The following EMSY variants were observed in gnomAD, a reference collection of about 807,000 sequenced individuals.
EMSY encodes EMSY transcriptional repressor, BRCA2 interacting.
A neutral mutation model predicts 134.6 loss-of-function variants in EMSY; 26 were observed. The observed-to-expected ratio is 0.19, with a 90% CI of 0.14 to 0.27. EMSY has a LOEUF of 0.27. Among genes scored for constraint, EMSY ranks in the 10% least tolerant of loss-of-function variants. The probability of loss-of-function intolerance (pLI) is 1.00; values close to 1 mark genes in which losing one functional copy is unlikely to be tolerated. For synonymous variants in EMSY, 579 were observed against 577.8 expected (o/e 1.00, Z -0.03); for missense variants, 1,305 against 1,611.4 (o/e 0.81, Z 3.26).
intron 1 of EMSY, among the ~76,000 whole-genome samples, chr11:76,445,951 A>C (rs1259152672): frequency 6.6e-6 from 1 of 152,046 alleles, no homozygotes; most frequent in Non-Finnish European, 1.5e-5. Flanking sequence ...AGGGGGGCTC[A>C]CCTCGGGACA....
chr11:76,546,144 TAG>T lies in EMSY; in HGVS notation c.3626_3627del (p.Glu1209ValfsTer18). ...ATTCCACTCCCCAGCAACAGAAATGTAGAGAGTCCTGTTCGAGTCCATCCACT... is the reference window on the plus strand; with the variant it reads ...ATTCCACTCCCCAGCAACAGAAATGTAGAGTCCTGTTCGAGTCCATCCACT... On this transcript the variant is annotated frameshift_variant, in exon 20 of 21. Transcript: ENST00000334736. LOFTEE classifies it high-confidence loss of function. 6.2e-7 allele frequency: 1 copy of T among 1,614,138 alleles called. No individual in the cohort carries two copies. Among genetic ancestry groups the T allele is most frequent in the Non-Finnish European group, 8.5e-7 (1 of 1,180,014 alleles).
chr11:76,471,945 TC>T (rs1948587878), intron 7 of EMSY, among the ~76,000 whole-genome samples: 1 of 152,204 alleles, frequency 6.6e-6, no homozygotes, highest in African/African-American at 2.4e-5. Context: ...ATGGTTCATA[TC>T]CCTACTTCCT....
At chr11:76,463,948 G>T (rs1948244978) in exon 7 of EMSY, 10 of 1,614,040 alleles carry the variant, frequency 6.2e-6, no homozygotes, top group Non-Finnish European at 8.5e-6. Flanking sequence ...CGATCACTGT[G>T]CCTGTGAGTG....
chr11:76,478,325 T>A (rs1948843734), intron 8 of EMSY, among the ~76,000 whole-genome samples: 3 of 151,720 alleles, frequency 2.0e-5, no homozygotes, highest in African/African-American at 7.3e-5. Flanking sequence ...TATTACCTTT[T>A]TACCCATGTG....
intron 11 of EMSY, among the ~76,000 whole-genome samples, chr11:76,520,522 T>C (rs977788298): frequency 2.0e-5 from 3 of 152,124 alleles, no homozygotes; most frequent in African/African-American, 7.2e-5. Flanking sequence ...TTAGTATAAG[T>C]GAATCATGGG....
At position 76,533,971 on chromosome 11, in the gene EMSY, G is replaced by A. The variant is rs192616983; in HGVS notation, c.2195-1924G>A. On this transcript the variant is annotated intron_variant, in intron 14 of 20. Transcript: ENST00000334736. ...ACATAGGTTCACACACTCATCTTGT[G>A]TCACAGGGTTGCTACAGTGATACTT... 2.9e-3 allele frequency among the ~76,000 whole-genome samples: 439 copies of A among 152,268 alleles called. 10 individuals carry two copies. The highest frequency in any genetic ancestry group is 7.6e-4 in the Non-Finnish European group (52 of 68,016).
At chr11:76,450,157 C>T (rs1291326929) in intron 2 of EMSY, among the ~76,000 whole-genome samples, 1 of 150,512 alleles carries the variant, frequency 6.6e-6, no homozygotes. Context: ...CTGCACTTAA[C>T]TCCCTGAGGG....
chr11:76,463,282 C>T (rs1166803788), intron 6 of EMSY, among the ~76,000 whole-genome samples: 1 of 150,314 alleles, frequency 6.7e-6, no homozygotes, highest in Non-Finnish European at 1.5e-5. Flanking sequence ...GAGATCACAC[C>T]ACTGCACTCC....
chr11:76,526,618 C>A, exon 13 of EMSY: 1 of 1,612,868 alleles, frequency 6.2e-7, no homozygotes, highest in South Asian at 1.1e-5. Flanking sequence ...TGTTTATGGG[C>A]AGCAAGGGAA....
Position 76,513,369 on chromosome 11 carries a change from T to C in EMSY, c.1364-17T>C, listed in dbSNP as rs770574625. The C allele has an allele frequency of 9.9e-6, 16 of 1,611,630 alleles. No homozygotes were observed. ...TAAAAATAATTTGTGCTGAGATTTA[T>C]CTTTCTTCTTTCAAAGGTGTTAAAA... On this transcript the variant is annotated splice_polypyrimidine_tract_variant and intron_variant, in intron 9 of 20. Coordinates refer to ENST00000334736, the Ensembl canonical transcript of EMSY.
intron 6 of EMSY, chr11:76,460,882 C>G (rs1457560172): frequency 6.6e-6 from 1 of 151,568 alleles, no homozygotes. Flanking sequence ...CCCAGCTACT[C>G]GGGAGGCCGA....
At chr11:76,550,231 C>T (rs1565374054) in exon 21 of EMSY, 2 of 1,186,318 alleles carry the variant, frequency 1.7e-6, no homozygotes, top group Admixed American at 3.3e-5. Context: ...CTAAAAAGAG[C>T]ACTTTGCCCG....
At chr11:76,523,992 A>G (rs956674400) in intron 12 of EMSY, among the ~76,000 whole-genome samples, 7 of 152,064 alleles carry the variant, frequency 4.6e-5, no homozygotes, top group Admixed American at 2.0e-4. Flanking sequence ...TGAGGCTGCT[A>G]TGAGCCATGA....
At chr11:76,446,363 G>GTATATATATATGTGTATATATATATA (rs1947408302) in intron 1 of EMSY, among the ~76,000 whole-genome samples, 1 of 63,206 alleles carries the variant, frequency 1.6e-5, no homozygotes, top group African/African-American at 7.0e-5. Flanking sequence ...ATATATATAT[G>GTATATATATATGTGTATATATATATA]TATGTATCGT....
chr11:76,537,928 A>G, exon 16 of EMSY: 1 of 1,613,192 alleles, frequency 6.2e-7, no homozygotes, highest in African/African-American at 1.3e-5. Context: ...AGTCAGAACT[A>G]GTAGCTGAAT....
chr11:76,468,743 G>A (rs931288268), intron 7 of EMSY, among the ~76,000 whole-genome samples: 6 of 152,158 alleles, frequency 3.9e-5, no homozygotes, highest in African/African-American at 1.2e-4. Flanking sequence ...GTGTTAATGT[G>A]GTGCCTTCAT....
At chr11:76,518,703 A>T (rs200855054) in intron 11 of EMSY, among the ~76,000 whole-genome samples, 3,901 of 130,144 alleles carry the variant, frequency 0.03, 98 homozygotes, top group African/African-American at 0.051. Flanking sequence ...ATATATATAT[A>T]TTTTTTTTTT....
chr11:76,518,360 G>A (rs1293693378), intron 11 of EMSY, among the ~76,000 whole-genome samples: 2 of 151,098 alleles, frequency 1.3e-5, no homozygotes, highest in African/African-American at 2.4e-5. Context: ...TAGAGACAGG[G>A]TTTTGCCATG....
At chr11:76,549,100 C>T (rs1391959212) in intron 20 of EMSY, among the ~76,000 whole-genome samples, 2 of 152,162 alleles carry the variant, frequency 1.3e-5, no homozygotes, top group African/African-American at 4.8e-5. Flanking sequence ...GATGAACCCA[C>T]TACTTTTGGG....
Sources: gnomAD v4.1 joint callset for allele counts (sites outside exome capture counted in the v4.1 genomes callset) on GRCh38, gnomAD v4.1.1 for gene constraint, MANE v1.5 for transcripts, NCBI Gene and HGNC (gene_info 2026-07-23, HGNC 2026-07-21) for gene names.